Variants in MMP8 observed in about 807,000 individuals in gnomAD.
The protein encoded by MMP8 is matrix metallopeptidase 8, also known as neutrophil collagenase.
Under a neutral mutation model 51.2 loss-of-function variants are expected in MMP8, and 67 were observed. That is an observed-to-expected ratio of 1.31 (90% CI 1.08 to 1.60). The LOEUF is 1.60. Among genes scored for constraint, MMP8 ranks in the 40% most tolerant of loss-of-function variants. The probability of loss-of-function intolerance (pLI) is 0.00; values close to 1 mark genes in which losing one functional copy is unlikely to be tolerated. For synonymous variants in MMP8, 225 were observed against 191.0 expected, an observed-to-expected ratio of 1.18 and a Z score of -1.47; for missense variants, 654 against 558.1, an observed-to-expected ratio of 1.17 and a Z score of -1.73.
chr11:102,723,339 C>T (rs1939011), intron 1 of MMP8: 334,028 of 358,158 alleles, frequency 0.93, 155,927 homozygotes, highest in East Asian at 1. Flanking sequence ...TCTTCATACA[C>T]AGTGAAATGT....
rs139590245 is a variant in MMP8, at chr11:102,713,310, A to G, written c.*38T>C. 2,170 of 1,413,422 alleles carry G rather than the reference A, an allele frequency of 1.5e-3. 25 individuals are homozygous for G. The highest frequency in any genetic ancestry group is 0.01 in the South Asian group (885 of 86,744). 87.6% of individuals were successfully genotyped at this position (1,413,422 alleles called of 1,614,324 possible). A position where few individuals can be genotyped will look rare whatever the true frequency, so the allele number is the denominator to read the frequency against. ...AAAATGCTTGCTGAACTTCCCTTCAACATTCTGAAAGTGGATACAGCCACA... is the reference window on the plus strand; with the variant it reads ...AAAATGCTTGCTGAACTTCCCTTCAGCATTCTGAAAGTGGATACAGCCACA... On this transcript the variant is annotated 3_prime_UTR_variant, in exon 10 of 10. Transcript: ENST00000236826.
Position 102,713,449 on chromosome 11 carries a change from G to T in MMP8, c.1303C>A (p.His435Asn), listed in dbSNP as rs1335621417. 1.9e-6 allele frequency: 3 copies of T among 1,606,706 alleles called. No individual in the cohort carries two copies. The highest frequency in any genetic ancestry group is 2.7e-5 in the African/African-American group (2 of 74,740). The change falls in exon 10 of 10, where the codon CAT (histidine) becomes AAT (asparagine). Residue 435 changes from histidine to asparagine, a missense_variant. Physicochemically the swap from His to Asn is moderately conservative, Grantham distance 68 (BLOSUM62 1). Transcript: ENST00000236826. ...TAATATCTTGGTCCACTGAAGACAT[G>T]GAAGAAATCTATAAAAAAAGAGAGA... is the stretch of plus-strand genomic sequence containing the variant. ...DAVFQQEHFF[H>N]VFSGPRYYAF...
At position 102,713,740 on chromosome 11, in the gene MMP8, T is replaced by C. The variant is rs762293537; in HGVS notation, c.1294+14A>G. 1.9e-6 allele frequency: 3 copies of C among 1,581,218 alleles called. No homozygotes were observed. The highest frequency in any genetic ancestry group is 1.7e-6 in the Non-Finnish European group (2 of 1,160,320). ...ACAAACAACACATTTATTAGGTTTT[T>C]TTTTCCTACTTACGTTCTTGCTGGA... On this transcript the variant is annotated intron_variant, in intron 9 of 9. Transcript: ENST00000236826.
Position 102,724,946 on chromosome 11 carries a change from T to G in MMP8, c.-91A>C, listed in dbSNP as rs1861577666. On this transcript the variant is annotated 5_prime_UTR_variant, in exon 1 of 10. An upstream start codon of the reference 5' UTR is lost. Coordinates refer to ENST00000236826, the MANE Select transcript of MMP8 (RefSeq NM_002424.3). Reference sequence around the variant, plus strand: ...GGCGAGCACCCTGACGTTCACAGCATCATGTGTCACTCACAGCTCTCTTGC... The same window carrying G: ...GGCGAGCACCCTGACGTTCACAGCAGCATGTGTCACTCACAGCTCTCTTGC... The G allele has an allele frequency of 7.0e-7, 1 of 1,435,858 alleles. No homozygotes were observed. Among genetic ancestry groups the G allele is most frequent in the Non-Finnish European group, 9.3e-7 (1 of 1,079,818 alleles). The allele number at this position is 1,435,858 out of a possible 1,614,324, so 88.9% of individuals were successfully genotyped here.
intron 1 of MMP8, 103 bp from the exon 2 acceptor site, chr11:102,722,776 A>C (rs1591683490): frequency 1.4e-6 from 2 of 1,476,002 alleles, no homozygotes. Context: ...TGATAACTTG[A>C]CAGCCACAGG....
At chr11:102,717,925 G>A (rs1861346526) in intron 5 of MMP8, among the ~76,000 whole-genome samples, 1 of 152,148 alleles carries the variant, frequency 6.6e-6, no homozygotes, top group Admixed American at 6.5e-5. Flanking sequence ...TGGTCATTGT[G>A]GTGAAATCAC....
At chr11:102,722,823 G>A in intron 1 of MMP8, 150 bp from the exon 2 acceptor site, 6 of 1,287,966 alleles carry the variant, frequency 4.7e-6, no homozygotes, top group Non-Finnish European at 6.3e-6. Flanking sequence ...TTGGCTTTGA[G>A]AGAACAACTC....
At chr11:102,714,796 A>G (rs1271018206) in intron 7 of MMP8, 87 bp from the exon 8 acceptor site, 4 of 200,894 alleles carry the variant, frequency 2.0e-5, no homozygotes, top group African/African-American at 9.2e-5. Flanking sequence ...ATATATATAT[A>G]TATATATATA....
At chr11:102,714,737 A>G in intron 7 of MMP8, 28 bp from the exon 8 acceptor site, 2 of 1,359,252 alleles carry the variant, frequency 1.5e-6, no homozygotes, top group Non-Finnish European at 1.9e-6. Flanking sequence ...TAAGTGTTAA[A>G]TACGACTTTT....
In MMP8 at chr11:102,713,477, A is replaced by G. The variant is rs934161864; in HGVS notation, c.1295-20T>C. 1 of 1,552,744 alleles carries G rather than the reference A, an allele frequency of 6.4e-7. No homozygotes were observed. ...AGAAATCTATAAAAAAAGAGAGATA[A>G]TTTATTGAATTAGCTTATAGAATAT... is the stretch of plus-strand genomic sequence containing the variant. On this transcript the variant is annotated intron_variant, in intron 9 of 9. Transcript: ENST00000236826.
At chr11:102,713,723 C>T (rs1861194181) in intron 9 of MMP8, 31 bp downstream of exon 9, 3 of 1,507,224 alleles carry the variant, frequency 2.0e-6, no homozygotes, top group African/African-American at 1.6e-5. Context: ...AAACAAACAA[C>T]ACATTTATTA....
At position 102,713,339 on chromosome 11, in the gene MMP8, G is replaced by C; in HGVS notation, c.*9C>G. The stretch of plus-strand genomic sequence containing the variant: ...TCTGAAAGTGGATACAGCCACATTT[G>C]ATTTTGCTTCAGCCATATCTACAGT... On this transcript the variant is annotated 3_prime_UTR_variant, in exon 10 of 10. Coordinates refer to ENST00000236826, the MANE Select transcript of MMP8 (RefSeq NM_002424.3). 1 of 1,589,280 alleles carries C rather than the reference G, an allele frequency of 6.3e-7. No homozygotes were observed. Among genetic ancestry groups the C allele is most frequent in the Non-Finnish European group, 8.6e-7 (1 of 1,158,192 alleles).
At chr11:102,723,976 G>T (rs985224347) in intron 1 of MMP8, 5 of 276,362 alleles carry the variant, frequency 1.8e-5, no homozygotes, top group African/African-American at 4.4e-5. Context: ...CTCCAATAAG[G>T]TTCTTGTGAG....
intron 1 of MMP8, chr11:102,723,169 T>G (rs1476031762): frequency 5.2e-6 from 3 of 577,354 alleles, no homozygotes; most frequent in Non-Finnish European, 8.6e-6. Flanking sequence ...AAATGAGAAC[T>G]GATAATTTCA....
Position 102,713,440 on chromosome 11 carries a change from T to G in MMP8, c.1312A>C (p.Ser438Arg). 6.2e-7 allele frequency: 1 copy of G among 1,612,026 alleles called. No homozygotes were observed. The change falls in exon 10 of 10, where the codon AGT becomes CGT. Residue 438 changes from serine (S) to arginine (R), a missense_variant. Physicochemically the swap from Ser to Arg is moderately radical, Grantham distance 110. Coordinates refer to ENST00000236826, the MANE Select transcript of MMP8 (RefSeq NM_002424.3). ...TCAAATGCGTAATATCTTGGTCCAC[T>G]GAAGACATGGAAGAAATCTATAAAA... is the stretch of plus-strand genomic sequence containing the variant. ...FQQEHFFHVFSGPRYYAFDLI... is the reference protein window; with the variant it reads ...FQQEHFFHVFRGPRYYAFDLI...
chr11:102,715,727 T>C (rs541128832), intron 6 of MMP8, among the ~76,000 whole-genome samples: 21 of 152,352 alleles, frequency 1.4e-4, no homozygotes, highest in African/African-American at 5.1e-4. Flanking sequence ...CTTTGTAGCA[T>C]CTTTCATTAT....
At chr11:102,716,953 GTGT>G (rs985025362) in intron 5 of MMP8, among the ~76,000 whole-genome samples, 11 of 152,260 alleles carry the variant, frequency 7.2e-5, no homozygotes, top group African/African-American at 1.7e-4. Context: ...AAATAAAGGG[GTGT>G]TGTTGGGGTG....
intron 8 of MMP8, 23 bp from the exon 9 acceptor site, chr11:102,713,880 C>T (rs748456600): frequency 7.7e-6 from 12 of 1,554,228 alleles, no homozygotes; most frequent in East Asian, 4.5e-5. Flanking sequence ...AAATGTTATC[C>T]GATTTAACAC....
intron 7 of MMP8, among the ~76,000 whole-genome samples, 196 bp from the exon 8 acceptor site, chr11:102,714,905 A>G (rs1189441574): frequency 6.6e-6 from 1 of 151,314 alleles, no homozygotes; most frequent in Non-Finnish European, 1.5e-5. Flanking sequence ...GAGAGCCTTA[A>G]TGGTTCCCCA....
Sources: allele counts gnomAD v4.1 joint callset (sites outside exome capture counted in the v4.1 genomes callset), GRCh38; gene constraint gnomAD v4.1.1; transcripts MANE v1.5; gene names NCBI Gene and HGNC (gene_info 2026-07-23, HGNC 2026-07-21).